PCDH15: variants seen among roughly 807,000 people sequenced by gnomAD.
PCDH15 encodes protocadherin related 15.
Under a neutral mutation model 178.5 loss-of-function variants are expected in PCDH15, and 129 were observed. The ratio of observed to expected loss-of-function variants is 0.72; its 90% CI spans 0.63 to 0.84. The LOEUF is 0.84. PCDH15 is among the 40% of genes least tolerant of loss of function. The pLI is 0.00. For synonymous variants in PCDH15, 800 were observed against 732.0 expected (o/e 1.09, Z -1.50); for missense variants, 2,230 against 2,099.9 (o/e 1.06, Z -1.21).
At chr10:53,896,512 T>C (rs146863711) in intron 26 of PCDH15, among the ~76,000 whole-genome samples, 33 of 152,358 alleles carry the variant, frequency 2.2e-4, no homozygotes, top group African/African-American at 7.7e-4. Flanking sequence ...TGCAGGAGTC[T>C]GCTATTCTGA....
rs544294841 is a variant in PCDH15, at chr10:55,183,310, C to T, written c.-155-16659G>A. Among the ~76,000 whole-genome samples the T allele has an allele frequency of 2.0e-5, 3 of 152,016 alleles. No homozygotes were observed. In the South Asian group the frequency reaches 6.2e-4, roughly 32 times the overall value. On this transcript the variant is annotated intron_variant, in intron 1 of 5. Coordinates refer to the PCDH15 transcript ENST00000458638. ...TTAAGAATATGTCCTGATATAAAAA[C>T]ATAGTAGCAATTTCCACATCTTGAT...
chr10:54,844,472 T>C (rs1953470625), intron 3 of PCDH15, among the ~76,000 whole-genome samples: 1 of 151,898 alleles, frequency 6.6e-6, no homozygotes, highest in Admixed American at 6.6e-5. Flanking sequence ...CACTCTTGCT[T>C]TGATGGATTC....
intron 1 of PCDH15, among the ~76,000 whole-genome samples, chr10:54,782,043 A>G (rs145232180): frequency 3.3e-5 from 5 of 152,322 alleles, no homozygotes; most frequent in Admixed American, 3.3e-4. Flanking sequence ...AGCAAAATAC[A>G]TTCTTTAATA....
chr10:55,107,792 C>T (rs10825466), intron 2 of PCDH15, among the ~76,000 whole-genome samples: 12,744 of 151,674 alleles, frequency 0.084, 660 homozygotes, highest in East Asian at 0.26. Context: ...TCACCACATC[C>T]GGCCTTACAG....
chr10:54,516,460 G>C (rs1484047632), intron 3 of PCDH15, among the ~76,000 whole-genome samples: 1 of 152,066 alleles, frequency 6.6e-6, no homozygotes, highest in African/African-American at 2.4e-5. Context: ...AAGGGTATCA[G>C]TGATGGAAGA....
intron 2 of PCDH15, among the ~76,000 whole-genome samples, chr10:55,033,839 G>A (rs1233563851): frequency 6.6e-6 from 1 of 152,180 alleles, no homozygotes; most frequent in African/African-American, 2.4e-5. Context: ...CGTTGCCAAT[G>A]TGATAGTATT....
chr10:54,411,646 C>T (rs1285210742), intron 3 of PCDH15, among the ~76,000 whole-genome samples: 1 of 152,182 alleles, frequency 6.6e-6, no homozygotes, highest in African/African-American at 2.4e-5. Context: ...GTGCTGGTTG[C>T]TGCTACCATA....
intron 2 of PCDH15, among the ~76,000 whole-genome samples, chr10:54,531,113 ATCTG>A (rs1338953590): frequency 6.6e-6 from 1 of 152,208 alleles, no homozygotes. Context: ...TCTGTGGATC[ATCTG>A]TCTGCCACAG....
chr10:54,778,238 G>C (rs1207299715), intron 1 of PCDH15, among the ~76,000 whole-genome samples: 1 of 152,156 alleles, frequency 6.6e-6, no homozygotes, highest in Non-Finnish European at 1.5e-5. Flanking sequence ...TCTCAGTGTG[G>C]ATTACTGATA....
rs1283730681 is a variant in PCDH15 at position 54,211,637 on chromosome 10, TAGG to T, written c.1098+2296_1098+2298del. On this transcript the variant is annotated intron_variant, in intron 10 of 37. Coordinates refer to ENST00000644397, the MANE Select transcript of PCDH15 (RefSeq NM_001384140.1). The stretch of plus-strand genomic sequence containing the variant: ...TAAAGCAGAATTCTTCTTCAAAATG[TAGG>T]AGAAGAGACTTCATTTTATTTTTTC... 7.2e-5 allele frequency among the ~76,000 whole-genome samples: 11 copies of T among 152,168 alleles called. No homozygotes were observed. The East Asian group carries it at 7.7e-4, about 11-fold the overall frequency.
intron 2 of PCDH15, among the ~76,000 whole-genome samples, chr10:55,536,665 T>C (rs1841584243): frequency 6.6e-6 from 1 of 152,126 alleles, no homozygotes; most frequent in Non-Finnish European, 1.5e-5. Context: ...AAATTGGCAA[T>C]ACCAGATATT....
At chr10:55,502,013 G>A (rs1840667840) in intron 2 of PCDH15, among the ~76,000 whole-genome samples, 1 of 151,294 alleles carries the variant, frequency 6.6e-6, no homozygotes, top group South Asian at 2.1e-4. Context: ...CCACTTGCAG[G>A]TCTTTGTAAC....
intron 1 of PCDH15, among the ~76,000 whole-genome samples, chr10:54,751,089 A>G (rs1012079804): frequency 2.6e-5 from 4 of 152,150 alleles, no homozygotes; most frequent in Non-Finnish European, 5.9e-5. Flanking sequence ...GTAGTAAATT[A>G]AGTACTTTAT....
At chr10:54,642,422 T>C (rs1312895038) in intron 2 of PCDH15, among the ~76,000 whole-genome samples, 1 of 152,200 alleles carries the variant, frequency 6.6e-6, no homozygotes, top group Non-Finnish European at 1.5e-5. Flanking sequence ...TGATCTCACC[T>C]CGCTTACTTC....
intron 16 of PCDH15, among the ~76,000 whole-genome samples, chr10:54,081,284 C>T (rs184221119): frequency 9.5e-4 from 139 of 146,608 alleles, no homozygotes; most frequent in African/African-American, 3.3e-3. Context: ...TAATCTATAT[C>T]GCCTCCCAAC....
rs146551613 is a variant in PCDH15, at chr10:54,348,050, G to A, written c.475-1566C>T. 2.3e-3 allele frequency among the ~76,000 whole-genome samples: 352 copies of A among 151,564 alleles called. 1 individual carries two copies. The highest frequency in any genetic ancestry group is 3.6e-3 in the Non-Finnish European group (243 of 67,878). ...TTTTTAGTAGAGATGGGGTTTCACC[G>A]CGTTAGCAAGGATGGTCTCGATCTC... is the stretch of plus-strand genomic sequence containing the variant. On this transcript the variant is annotated intron_variant, in intron 5 of 37. Coordinates refer to ENST00000644397, the MANE Select transcript of PCDH15 (RefSeq NM_001384140.1).
At position 54,220,638 on chromosome 10, in the gene PCDH15, A is replaced by T. The variant is rs149627506; in HGVS notation, c.986-6590T>A. 9.6e-3 allele frequency among the ~76,000 whole-genome samples: 1,461 copies of T among 152,206 alleles called. 20 individuals are homozygous for T. Among genetic ancestry groups the T allele is most frequent in the African/African-American group, 0.03 (1,266 of 41,524 alleles). ...CAGGAGATCGAGACCATCCTGGCTA[A>T]CACGGTGAAACCCCGTCTCTACTAA... On this transcript the variant is annotated intron_variant, in intron 9 of 37. Coordinates refer to ENST00000644397, the MANE Select transcript of PCDH15 (RefSeq NM_001384140.1).
chr10:54,556,637 TC>T (rs1276254230), intron 2 of PCDH15, among the ~76,000 whole-genome samples: 19 of 142,184 alleles, frequency 1.3e-4, no homozygotes, highest in Admixed American at 1.1e-3. Context: ...TTTTTTTTTT[TC>T]GGCTGTAGGG....
intron 28 of PCDH15, among the ~76,000 whole-genome samples, chr10:53,848,545 A>AAAAT (rs1183397566): frequency 6.6e-6 from 1 of 152,046 alleles, no homozygotes; most frequent in Non-Finnish European, 1.5e-5. Flanking sequence ...TCTAGATCTT[A>AAAAT]AAATAAAAAC....
Sources: gnomAD v4.1 joint callset for allele counts (sites outside exome capture counted in the v4.1 genomes callset) on GRCh38, gnomAD v4.1.1 for gene constraint, MANE v1.5 for transcripts, NCBI Gene and HGNC (gene_info 2026-07-23, HGNC 2026-07-21) for gene names.